Variants in PIEZO2 observed in about 807,000 individuals in gnomAD.
The protein encoded by PIEZO2 is piezo type mechanosensitive ion channel component 2.
In PIEZO2, 172 loss-of-function variants were observed where a neutral mutation model predicts 337.3. The observed-to-expected ratio is 0.51, with a 90% CI of 0.45 to 0.58. The LOEUF (loss-of-function observed/expected upper bound fraction) is 0.58. Ranked by LOEUF, PIEZO2 falls within the 20% of genes least tolerant of loss-of-function variation. PIEZO2 has a pLI of 0.00. For missense variants in PIEZO2, 3,028 were observed against 3,391.3 expected (o/e 0.89, Z 2.66); for synonymous variants, 1,251 against 1,228.5 (o/e 1.02, Z -0.38).
intron 36 of PIEZO2, chr18:10,725,597 T>A (rs559415104): frequency 7.5e-7 from 1 of 1,337,728 alleles, no homozygotes; most frequent in Non-Finnish European, 1.0e-6. Context: ...TTTCCCTTCC[T>A]GAGCAGCCGC....
chr18:10,935,092 C>T (rs1423204538), intron 3 of PIEZO2, among the ~76,000 whole-genome samples: 2 of 152,100 alleles, frequency 1.3e-5, no homozygotes, highest in Admixed American at 1.3e-4. Context: ...CTGTTTTCGT[C>T]CTTACCTAAT....
At chr18:11,041,921 C>T (rs1399988740) in intron 2 of PIEZO2, among the ~76,000 whole-genome samples, 1 of 152,172 alleles carries the variant, frequency 6.6e-6, no homozygotes, top group Non-Finnish European at 1.5e-5. Flanking sequence ...GTGACAGTGA[C>T]TCTTCTCCAT....
Position 11,148,419 on chromosome 18 carries a change from G to A in PIEZO2, c.64+106C>T, listed in dbSNP as rs1048108925. On this transcript the variant is annotated intron_variant, in intron 1 of 55. Transcript: ENST00000674853. This position sits in a 1 kb window ranked among gnomAD's most constrained non-coding sequence, Gnocchi z 5.2. ...GCGCGTCTGACGCCGCTGGCCTCCC[G>A]AATCGAACCCCAGAGCACCAGAGCC... The A allele has an allele frequency of 2.2e-5, 29 of 1,319,898 alleles. No homozygotes were observed. Among genetic ancestry groups the A allele is most frequent in the Non-Finnish European group, 2.9e-5 (28 of 958,300 alleles). The allele number at this position is 1,319,898 out of a possible 1,614,324, so 81.8% of individuals were successfully genotyped here. A position where few individuals can be genotyped will look rare whatever the true frequency, so the allele number is the denominator to read the frequency against.
intron 1 of PIEZO2, among the ~76,000 whole-genome samples, chr18:11,119,634 C>G (rs939370460): frequency 1.3e-5 from 2 of 152,062 alleles, no homozygotes; most frequent in East Asian, 3.9e-4. Flanking sequence ...AGAGTAGGGA[C>G]GAGGCAACAA....
Position 10,855,359 on chromosome 18 carries a change from T to G in PIEZO2, c.911A>C (p.Tyr304Ser). The change falls in exon 7 of 56, where the codon TAT becomes TCT. Residue 304 changes from tyrosine to serine, a missense_variant. Coordinates refer to ENST00000674853, the MANE Select transcript of PIEZO2 (RefSeq NM_001378183.1). The surrounding 1 kb of genome is among the most constrained non-coding windows in gnomAD (Gnocchi z 4.9). ...CCATAAGGATTTCTCTTACCTTGCA[T>G]AGTAGTCATTGGGTGGAACTGCCTC... ...FQEAVPPNDYYARLFGIKSVI... is the reference protein window; with the variant it reads ...FQEAVPPNDYSARLFGIKSVI... The G allele has an allele frequency of 6.5e-7, 1 of 1,532,292 alleles. No homozygotes were observed. The highest frequency in any genetic ancestry group is 8.8e-7 in the Non-Finnish European group (1 of 1,142,400). 94.9% of individuals were successfully genotyped at this position (1,532,292 alleles called of 1,614,324 possible).
In PIEZO2 at chr18:10,766,755, A is replaced by C. The variant is rs2038375336; in HGVS notation, c.2946+3393T>G. Among the ~76,000 whole-genome samples the C allele has an allele frequency of 6.6e-6, 1 of 152,222 alleles. No individual in the cohort carries two copies. The highest frequency in any genetic ancestry group is 1.5e-5 in the Non-Finnish European group (1 of 68,040). ...TAGCACAGCAGTTATTATCACTTTT[A>C]GTTTTATTTGGCAGCCATTCCCATC... On this transcript the variant is annotated intron_variant, in intron 21 of 55. Transcript: ENST00000674853. The surrounding 1 kb of genome is among the most constrained non-coding windows in gnomAD (Gnocchi z 6.1).
rs1367956683 is a variant in PIEZO2, at chr18:10,980,886, T to C, written c.161-1226A>G. Among the ~76,000 whole-genome samples the C allele has an allele frequency of 2.6e-5, 4 of 152,128 alleles. No individual in the cohort carries two copies. The highest frequency in any genetic ancestry group is 4.4e-5 in the Non-Finnish European group (3 of 68,016). ...ATGTCATGAAAGTCCATAATCAAAG[T>C]GGTTAACTAAGGGAGACTATCCTCC... On this transcript the variant is annotated intron_variant, in intron 2 of 55. Coordinates refer to ENST00000674853, the MANE Select transcript of PIEZO2 (RefSeq NM_001378183.1). The surrounding 1 kb of genome is among the most constrained non-coding windows in gnomAD (Gnocchi z 4.8).
intron 49 of PIEZO2, among the ~76,000 whole-genome samples, chr18:10,685,146 G>A (rs1050267469): frequency 2.6e-5 from 4 of 152,202 alleles, no homozygotes; most frequent in South Asian, 2.1e-4. Flanking sequence ...TTCATAAAGT[G>A]TGTTTGTAAA....
At chr18:10,948,471 T>G (rs1245048186) in intron 3 of PIEZO2, among the ~76,000 whole-genome samples, 2 of 152,340 alleles carry the variant, frequency 1.3e-5, no homozygotes, top group East Asian at 3.9e-4. Context: ...AAATTTGACC[T>G]TGTGCTTAAT....
chr18:10,704,024 G>A (rs1326614547), intron 42 of PIEZO2, among the ~76,000 whole-genome samples: 2 of 152,298 alleles, frequency 1.3e-5, no homozygotes, highest in African/African-American at 2.4e-5. Context: ...GCCTGTTATC[G>A]TCTCAGTGAT....
intron 50 of PIEZO2, 114 bp from the exon 51 acceptor site, chr18:10,681,867 C>T: frequency 2.1e-6 from 2 of 967,098 alleles, no homozygotes; most frequent in South Asian, 1.5e-5. Context: ...CTATGTTTAT[C>T]CCATGATACA....
intron 2 of PIEZO2, among the ~76,000 whole-genome samples, chr18:11,059,790 T>G (rs12458888): frequency 0.014 from 2,173 of 152,142 alleles, 38 homozygotes; most frequent in African/African-American, 0.041. Flanking sequence ...AGACTTAGAC[T>G]CCCACACAAT....
intron 2 of PIEZO2, among the ~76,000 whole-genome samples, chr18:11,055,060 A>C (rs1195880535): frequency 1.3e-5 from 2 of 151,954 alleles, no homozygotes; most frequent in African/African-American, 4.8e-5. Flanking sequence ...AAACACAAAA[A>C]ATTAGCTGGG....
rs2033380516 is a variant in PIEZO2 at position 10,953,370 on chromosome 18, T to C, written c.286+26165A>G. Among the ~76,000 whole-genome samples the C allele has an allele frequency of 6.6e-6, 1 of 152,218 alleles. No homozygotes were observed. The highest frequency in any genetic ancestry group is 1.5e-5 in the Non-Finnish European group (1 of 68,038). ...TCCTATATTTTTTGCAAGAGTTTTATGGTTTCAATCTTTGCATTTAGGTTT... is the reference window on the plus strand; with the variant it reads ...TCCTATATTTTTTGCAAGAGTTTTACGGTTTCAATCTTTGCATTTAGGTTT... On this transcript the variant is annotated intron_variant, in intron 3 of 55. Transcript: ENST00000674853. The surrounding 1 kb of genome is among the most constrained non-coding windows in gnomAD (Gnocchi z 5.2).
At chr18:10,816,222 T>C (rs2040360180) in intron 7 of PIEZO2, among the ~76,000 whole-genome samples, 1 of 152,208 alleles carries the variant, frequency 6.6e-6, no homozygotes, top group South Asian at 2.1e-4. Flanking sequence ...GACATTTTGG[T>C]GAACCTAATA....
In PIEZO2 at chr18:11,105,266, T is replaced by G. The variant is rs1018875590; in HGVS notation, c.65-39044A>C. ...CACGCCCAAAGACTGCAAACCAATA[T>G]GGACTCACAACGCCCATTTGACACA... On this transcript the variant is annotated intron_variant, in intron 1 of 55. Transcript: ENST00000674853. This position sits in a 1 kb window ranked among gnomAD's most constrained non-coding sequence, Gnocchi z 4.3. 1.3e-5 allele frequency among the ~76,000 whole-genome samples: 2 copies of G among 152,158 alleles called. No individual in the cohort carries two copies. The highest frequency in any genetic ancestry group is 2.9e-5 in the Non-Finnish European group (2 of 68,036).
intron 7 of PIEZO2, among the ~76,000 whole-genome samples, chr18:10,826,325 G>T (rs549011668): frequency 1.3e-5 from 2 of 152,188 alleles, no homozygotes; most frequent in Admixed American, 6.5e-5. Context: ...GTAAATATGA[G>T]TTCCTAATGA....
rs1360838292 is a variant in PIEZO2 at position 11,021,225 on chromosome 18, A to G, written c.161-41565T>C. 6.6e-6 allele frequency among the ~76,000 whole-genome samples: 1 copy of G among 152,238 alleles called. No homozygotes were observed. The highest frequency in any genetic ancestry group is 2.4e-5 in the African/African-American group (1 of 41,468). ...GCTCAAAGTTACAACCTAACTCAAC[A>G]GTGCTAGTCACAGGTGTCAAGGAGA... On this transcript the variant is annotated intron_variant, in intron 2 of 55. Transcript: ENST00000674853. The surrounding 1 kb of genome is among the most constrained non-coding windows in gnomAD (Gnocchi z 4.7).
intron 30 of PIEZO2, among the ~76,000 whole-genome samples, chr18:10,747,036 A>AAATG (rs572209418): frequency 1.1e-3 from 175 of 152,340 alleles, no homozygotes; most frequent in African/African-American, 4.0e-3. Context: ...GGCAGTGAAA[A>AAATG]AATGAATGAA....
Sources: gnomAD v4.1 joint callset for allele counts (sites outside exome capture counted in the v4.1 genomes callset) on GRCh38, gnomAD v4.1.1 for gene constraint, Gnocchi (gnomAD v3.1) non-coding constraint, MANE v1.5 for transcripts, NCBI Gene and HGNC (gene_info 2026-07-23, HGNC 2026-07-21) for gene names.